Variants in GPC5 observed in about 807,000 individuals in gnomAD.
The protein encoded by GPC5 is glypican 5.
Under a neutral mutation model 53.9 loss-of-function variants are expected in GPC5, and 47 were observed. The observed-to-expected ratio is 0.87, with a 90% confidence interval of 0.69 to 1.11. GPC5 has a LOEUF of 1.11. GPC5 is among the 50% of genes most tolerant of loss of function. The probability of loss-of-function intolerance (pLI) is 0.00; values close to 1 mark genes in which losing one functional copy is unlikely to be tolerated. For missense variants in GPC5, 748 were observed against 713.1 expected (o/e 1.05, Z -0.56); for synonymous variants, 286 against 263.3 (o/e 1.09, Z -0.84).
At chr13:92,287,741 G>T (rs2042966254) in intron 7 of GPC5, among the ~76,000 whole-genome samples, 1 of 152,100 alleles carries the variant, frequency 6.6e-6, no homozygotes, top group African/African-American at 2.4e-5. Flanking sequence ...GTTATAATGT[G>T]TCTCAGTGTA....
intron 2 of GPC5, among the ~76,000 whole-genome samples, chr13:91,660,149 G>A (rs2034951763): frequency 6.6e-6 from 1 of 152,158 alleles, no homozygotes; most frequent in Admixed American, 6.5e-5. Flanking sequence ...ATTGGAAACA[G>A]CAAACAAAAA....
chr13:92,567,548 G>A (rs146585791), intron 7 of GPC5, among the ~76,000 whole-genome samples: 1,558 of 152,240 alleles, frequency 0.01, 11 homozygotes, highest in Non-Finnish European at 0.016. Flanking sequence ...TGGATTAATC[G>A]AATGGGCTTA....
intron 2 of GPC5, among the ~76,000 whole-genome samples, chr13:91,624,645 G>A (rs1298020970): frequency 6.6e-6 from 1 of 151,862 alleles, no homozygotes; most frequent in East Asian, 1.9e-4. Flanking sequence ...TAGGAACACT[G>A]CTAAAAATAG....
chr13:91,786,144 C>T (rs914053902), intron 5 of GPC5, among the ~76,000 whole-genome samples: 1 of 152,068 alleles, frequency 6.6e-6, no homozygotes, highest in Non-Finnish European at 1.5e-5. Context: ...TTACAGGTGC[C>T]CACCACCACG....
chr13:92,246,374 C>T (rs2042651029), intron 7 of GPC5, among the ~76,000 whole-genome samples: 2 of 151,990 alleles, frequency 1.3e-5, no homozygotes, highest in Non-Finnish European at 2.9e-5. Context: ...AATATGTCTA[C>T]TTATACCAGT....
chr13:92,617,952 A>C (rs1884750414), intron 7 of GPC5, among the ~76,000 whole-genome samples: 1 of 152,124 alleles, frequency 6.6e-6, no homozygotes, highest in African/African-American at 2.4e-5. Flanking sequence ...CACCACCCTC[A>C]TTTTTGGCAA....
At chr13:92,258,483 A>T (rs2042742667) in intron 7 of GPC5, among the ~76,000 whole-genome samples, 2 of 152,234 alleles carry the variant, frequency 1.3e-5, no homozygotes, top group African/African-American at 4.8e-5. Flanking sequence ...ATAAATATGT[A>T]TTCTAGTCAG....
At chr13:91,957,218 C>G (rs1048435946) in intron 6 of GPC5, among the ~76,000 whole-genome samples, 3 of 151,950 alleles carry the variant, frequency 2.0e-5, no homozygotes, top group Admixed American at 6.6e-5. Flanking sequence ...TAAACTATAT[C>G]AAGCGGAAGA....
chr13:91,437,148 C>T (rs1052660196), intron 1 of GPC5, among the ~76,000 whole-genome samples: 2 of 152,098 alleles, frequency 1.3e-5, no homozygotes, highest in South Asian at 2.1e-4. Flanking sequence ...TCCAATTTGC[C>T]AGTCCGTGTC....
At position 92,117,792 on chromosome 13, in the gene GPC5, A is replaced by G. The variant is rs144425322; in HGVS notation, c.1402-27038A>G. On this transcript the variant is annotated intron_variant, in intron 6 of 7. Transcript: ENST00000377067. ...ACGTTCTTTGGTAATATATAGAAAT[A>G]TTGAGTTTGTATACAACCACCTTAC... Among the ~76,000 whole-genome samples the G allele has an allele frequency of 3.4e-3, 525 of 152,328 alleles. 2 individuals carry two copies. Among genetic ancestry groups the G allele is most frequent in the African/African-American group, 0.012 (498 of 41,576 alleles).
chr13:91,986,397 A>G (rs1253936087), intron 6 of GPC5, among the ~76,000 whole-genome samples: 1 of 152,154 alleles, frequency 6.6e-6, no homozygotes, highest in Non-Finnish European at 1.5e-5. Flanking sequence ...TCTACTTTTT[A>G]AACACTTAAG....
At chr13:92,357,263 C>T (rs1427899325) in intron 7 of GPC5, among the ~76,000 whole-genome samples, 1 of 151,652 alleles carries the variant, frequency 6.6e-6, no homozygotes, top group Non-Finnish European at 1.5e-5. Flanking sequence ...AATGGTAGTT[C>T]TGTTTTTAAC....
At chr13:92,448,667 T>G (rs981356565) in intron 7 of GPC5, 2 of 152,032 alleles carry the variant, frequency 1.3e-5, no homozygotes, top group Non-Finnish European at 2.9e-5. Context: ...CTCAGCATAA[T>G]CAGTAAAATG....
Position 91,640,911 on chromosome 13 carries a change from A to G in GPC5, c.326-52276A>G, listed in dbSNP as rs147987808. On this transcript the variant is annotated intron_variant, in intron 2 of 7. Coordinates refer to ENST00000377067, the MANE Select transcript of GPC5 (RefSeq NM_004466.6). The stretch of plus-strand genomic sequence containing the variant: ...ATTAATGATAGACTGGATACAGAAA[A>G]TGTGGTGCATATACACCAAGGAATA... Among the ~76,000 whole-genome samples the G allele has an allele frequency of 2.3e-3, 343 of 152,322 alleles. 3 individuals carry two copies. Among genetic ancestry groups the G allele is most frequent in the African/African-American group, 7.8e-3 (326 of 41,574 alleles).
intron 7 of GPC5, among the ~76,000 whole-genome samples, chr13:92,427,040 G>A (rs573386830): frequency 4.6e-5 from 7 of 151,890 alleles, no homozygotes; most frequent in African/African-American, 1.7e-4. Context: ...TTTTAGTTAA[G>A]AACATCTTGC....
Position 92,812,772 on chromosome 13 carries a change from G to A in GPC5, c.1562-53510G>A, listed in dbSNP as rs577724469. Reference sequence around the variant, plus strand: ...TGAATTCAGCAGTGTTAGGGTACAAGATCAACATACAAAACTCCATGATGT... The same window carrying A: ...TGAATTCAGCAGTGTTAGGGTACAAAATCAACATACAAAACTCCATGATGT... On this transcript the variant is annotated intron_variant, in intron 7 of 7. Transcript: ENST00000377067. Among the ~76,000 whole-genome samples, 16 of 151,990 alleles carry A rather than the reference G, an allele frequency of 1.1e-4. No individual in the cohort carries two copies. In the South Asian group the frequency reaches 3.3e-3, roughly 31 times the overall value.
intron 6 of GPC5, among the ~76,000 whole-genome samples, chr13:91,947,882 G>A (rs2039988368): frequency 6.6e-6 from 1 of 152,076 alleles, no homozygotes; most frequent in Non-Finnish European, 1.5e-5. Context: ...TTGAGTTAAT[G>A]AAAGAATGAT....
chr13:91,968,834 G>C (rs1260973658), intron 6 of GPC5, among the ~76,000 whole-genome samples: 1 of 152,082 alleles, frequency 6.6e-6, no homozygotes, highest in African/African-American at 2.4e-5. Flanking sequence ...TGTTCTATTA[G>C]ATTGTTGAGC....
chr13:91,858,293 A>C (rs2038989097), intron 5 of GPC5, among the ~76,000 whole-genome samples: 1 of 151,870 alleles, frequency 6.6e-6, no homozygotes, highest in African/African-American at 2.4e-5. Context: ...GTATGATACT[A>C]ACTGAGGGTC....
Sources: allele counts gnomAD v4.1 joint callset (sites outside exome capture counted in the v4.1 genomes callset), GRCh38; gene constraint gnomAD v4.1.1; transcripts MANE v1.5; gene names NCBI Gene and HGNC (gene_info 2026-07-23, HGNC 2026-07-21).